ARSJ: variants seen among roughly 807,000 people sequenced by gnomAD.
ARSJ encodes arylsulfatase family member J, also known as arylsulfatase J.
Under a neutral mutation model 35.9 loss-of-function variants are expected in ARSJ, and 26 were observed. The ratio of observed to expected loss-of-function variants is 0.72; its 90% CI spans 0.53 to 1.00. The LOEUF (loss-of-function observed/expected upper bound fraction) is 1.00. ARSJ is among the 50% of genes least tolerant of loss of function. The probability of loss-of-function intolerance (pLI) is 0.00; values close to 1 mark genes in which losing one functional copy is unlikely to be tolerated. For synonymous variants in ARSJ, 294 were observed against 267.6 expected (o/e 1.10, Z -0.96); for missense variants, 667 against 723.6 (o/e 0.92, Z 0.90).
chr4:113,955,804 AG>A (rs1475229480), intron 1 of ARSJ, among the ~76,000 whole-genome samples: 1 of 152,066 alleles, frequency 6.6e-6, no homozygotes, highest in Non-Finnish European at 1.5e-5. Context: ...CCAAATCCAG[AG>A]CTTCTGCTAC....
At chr4:113,904,974 A>G (rs1194007482) in intron 1 of ARSJ, among the ~76,000 whole-genome samples, 1 of 152,240 alleles carries the variant, frequency 6.6e-6, no homozygotes, top group East Asian at 1.9e-4. Flanking sequence ...AAAAACTATA[A>G]TCACTTATAA....
At position 113,902,064 on chromosome 4, in the gene ARSJ, A is replaced by T. The variant is rs1468741810; in HGVS notation, c.*210T>A. On this transcript the variant is annotated 3_prime_UTR_variant, in exon 2 of 2. Coordinates refer to ENST00000315366, the MANE Select transcript of ARSJ (RefSeq NM_024590.4). ...GAAATAAACATCTCCACTCTCTCTA[A>T]GTGTGGCTTGCAAGAGTAGCACCTT... The T allele has an allele frequency of 6.8e-7, 1 of 1,475,268 alleles. No individual in the cohort carries two copies. Among genetic ancestry groups the T allele is most frequent in the East Asian group, 2.4e-5 (1 of 41,174 alleles). The allele number at this position is 1,475,268 out of a possible 1,614,324, so 91.4% of individuals were successfully genotyped here.
At chr4:113,939,943 A>G (rs1236646247) in intron 1 of ARSJ, among the ~76,000 whole-genome samples, 2 of 151,980 alleles carry the variant, frequency 1.3e-5, no homozygotes, top group African/African-American at 4.8e-5. Flanking sequence ...CCATTTGTCA[A>G]TTTTGGCTTT....
At chr4:113,967,304 A>C (rs981885385) in intron 1 of ARSJ, among the ~76,000 whole-genome samples, 2 of 152,126 alleles carry the variant, frequency 1.3e-5, no homozygotes, top group African/African-American at 4.8e-5. Flanking sequence ...ACATATGCCC[A>C]TTTGGAACAA....
intron 1 of ARSJ, among the ~76,000 whole-genome samples, chr4:113,914,943 G>A (rs1035422068): frequency 1.3e-5 from 2 of 152,124 alleles, no homozygotes; most frequent in South Asian, 2.1e-4. Context: ...TATTTATAAA[G>A]GGCATTTATA....
At chr4:113,961,897 CTGTGTGTGTGTGTGTG>C (rs60701922) in intron 1 of ARSJ, among the ~76,000 whole-genome samples, 15,071 of 147,968 alleles carry the variant, frequency 0.1, 927 homozygotes, top group Admixed American at 0.17. Flanking sequence ...CTCTCTCTCT[CTGTGTGTGTGTGTGTG>C]TGTGTGTGTG....
chr4:113,948,956 T>C (rs1469222003), intron 1 of ARSJ, among the ~76,000 whole-genome samples: 1 of 152,050 alleles, frequency 6.6e-6, no homozygotes, highest in East Asian at 1.9e-4. Context: ...CCATCAATGA[T>C]AGACTGGATA....
chr4:113,976,454 G>A (rs1223167715), intron 1 of ARSJ, among the ~76,000 whole-genome samples: 1 of 152,144 alleles, frequency 6.6e-6, no homozygotes, highest in East Asian at 1.9e-4. Flanking sequence ...GCATGTGGGA[G>A]TAATTTATAT....
chr4:113,934,593 G>A (rs192924967), intron 1 of ARSJ, among the ~76,000 whole-genome samples: 6 of 151,778 alleles, frequency 4.0e-5, no homozygotes, highest in Admixed American at 2.0e-4. Context: ...AGGTGACTAT[G>A]GTTAATATTA....
chr4:113,932,084 T>C lies in ARSJ; in HGVS notation c.399-28409A>G, dbSNP rs565770937. 2.6e-5 allele frequency among the ~76,000 whole-genome samples: 4 copies of C among 152,138 alleles called. No individual in the cohort carries two copies. In the South Asian group the frequency reaches 8.3e-4, roughly 32 times the overall value. On this transcript the variant is annotated intron_variant, in intron 1 of 1. Coordinates refer to ENST00000315366, the MANE Select transcript of ARSJ (RefSeq NM_024590.4). ...TTTCTATACTTATATCAGATAAAAA[T>C]AGACTACAAATCAAAGACAGTAAAA...
chr4:113,934,389 A>G (rs1305277296), intron 1 of ARSJ, among the ~76,000 whole-genome samples: 2 of 151,886 alleles, frequency 1.3e-5, no homozygotes, highest in African/African-American at 4.8e-5. Flanking sequence ...CACACAAGGG[A>G]TATTATTCAT....
intron 1 of ARSJ, among the ~76,000 whole-genome samples, chr4:113,939,816 T>C (rs1419681554): frequency 6.6e-6 from 1 of 152,122 alleles, no homozygotes; most frequent in Non-Finnish European, 1.5e-5. Flanking sequence ...AGATTCTAGA[T>C]ATTAGCCCTT....
rs538771097 is a variant in ARSJ at position 113,905,278 on chromosome 4, A to G, written c.399-1603T>C. ...AGGGTAAATATGTAAATAATCTTGG[A>G]ATCAAATTACAAAAAAAATATTGAG... is the stretch of plus-strand genomic sequence containing the variant. On this transcript the variant is annotated intron_variant, in intron 1 of 1. Coordinates refer to ENST00000315366, the MANE Select transcript of ARSJ (RefSeq NM_024590.4). 3.9e-5 allele frequency among the ~76,000 whole-genome samples: 6 copies of G among 152,354 alleles called. No homozygotes were observed. The South Asian group carries it at 1.2e-3, about 32-fold the overall frequency.
At chr4:113,928,045 T>C (rs925451017) in intron 1 of ARSJ, among the ~76,000 whole-genome samples, 1 of 152,102 alleles carries the variant, frequency 6.6e-6, no homozygotes, top group African/African-American at 2.4e-5. Context: ...GACCACAGAA[T>C]GAGTCTGGGG....
intron 1 of ARSJ, among the ~76,000 whole-genome samples, chr4:113,907,560 T>C (rs2099669142): frequency 6.6e-6 from 1 of 152,034 alleles, no homozygotes; most frequent in Non-Finnish European, 1.5e-5. Flanking sequence ...TTCTCTGGCC[T>C]CCACAAGTCT....
intron 1 of ARSJ, among the ~76,000 whole-genome samples, chr4:113,964,774 A>C (rs1442178344): frequency 6.6e-6 from 1 of 152,120 alleles, no homozygotes; most frequent in African/African-American, 2.4e-5. Context: ...CAGAGAGCTT[A>C]TTGGAAACGC....
chr4:113,927,379 C>G (rs1341764019), intron 1 of ARSJ, among the ~76,000 whole-genome samples: 3 of 152,180 alleles, frequency 2.0e-5, no homozygotes, highest in Admixed American at 6.5e-5. Flanking sequence ...TGTTTGCTAC[C>G]TCTTGTTCAC....
chr4:113,925,976 T>C (rs1307955855), intron 1 of ARSJ, among the ~76,000 whole-genome samples: 1 of 152,080 alleles, frequency 6.6e-6, no homozygotes, highest in East Asian at 1.9e-4. Context: ...AGCGCATGCA[T>C]AACCTCCATC....
At chr4:113,974,483 C>T (rs1262379488) in intron 1 of ARSJ, among the ~76,000 whole-genome samples, 1 of 151,882 alleles carries the variant, frequency 6.6e-6, no homozygotes, top group East Asian at 1.9e-4. Flanking sequence ...AAGGCAGAAA[C>T]AATCATCTAA....
Sources: gnomAD v4.1 joint callset for allele counts (sites outside exome capture counted in the v4.1 genomes callset) on GRCh38, gnomAD v4.1.1 for gene constraint, MANE v1.5 for transcripts, NCBI Gene and HGNC (gene_info 2026-07-23, HGNC 2026-07-21) for gene names.